The following STAT4 variants were observed in gnomAD, a reference collection of about 807,000 sequenced individuals.
The protein encoded by STAT4 is signal transducer and activator of transcription 4.
A neutral mutation model predicts 110.5 loss-of-function variants in STAT4; 42 were observed. The ratio of observed to expected loss-of-function variants is 0.38; its 90% confidence interval spans 0.30 to 0.49. STAT4 has a LOEUF of 0.49. Among genes scored for constraint, STAT4 ranks in the 20% least tolerant of loss-of-function variants. STAT4 has a pLI of 0.95. For synonymous variants in STAT4, 284 were observed against 302.2 expected (o/e 0.94, Z 0.63); for missense variants, 632 against 887.9 (o/e 0.71, Z 3.66).
intron 6 of STAT4, among the ~76,000 whole-genome samples, chr2:191,067,631 A>G (rs1404751515): frequency 1.3e-5 from 2 of 152,226 alleles, no homozygotes; most frequent in Non-Finnish European, 2.9e-5. Flanking sequence ...GAAGAAGGGC[A>G]TATAAGTATC....
chr2:191,123,829 A>G (rs990524704), intron 3 of STAT4, among the ~76,000 whole-genome samples: 27 of 152,200 alleles, frequency 1.8e-4, no homozygotes, highest in African/African-American at 4.8e-4. Flanking sequence ...GTACTGCGTT[A>G]TTATTGCTAG....
intron 3 of STAT4, among the ~76,000 whole-genome samples, chr2:191,111,995 G>C (rs1329551827): frequency 1.3e-5 from 2 of 152,180 alleles, no homozygotes; most frequent in African/African-American, 4.8e-5. Context: ...AGAGGTAGGA[G>C]GGAGGGATTA....
At chr2:191,036,078 A>G (rs192004066) in intron 17 of STAT4, 86 bp downstream of exon 17, 3 of 1,442,392 alleles carry the variant, frequency 2.1e-6, no homozygotes, top group East Asian at 2.3e-5. Flanking sequence ...CATCTTTATT[A>G]TTAGTAGTAG....
At chr2:191,063,750 A>G (rs113649790) in intron 8 of STAT4, among the ~76,000 whole-genome samples, 1 of 152,296 alleles carries the variant, frequency 6.6e-6, no homozygotes, top group South Asian at 2.1e-4. Context: ...TGCTCCCTTT[A>G]TTATTGTTTT....
intron 3 of STAT4, among the ~76,000 whole-genome samples, chr2:191,145,523 T>A (rs983407994): frequency 6.6e-6 from 1 of 152,224 alleles, no homozygotes; most frequent in Non-Finnish European, 1.5e-5. Flanking sequence ...GATTGCTGTA[T>A]GCTGCCAAAA....
chr2:191,038,590 CT>C (rs1011710271), intron 16 of STAT4, among the ~76,000 whole-genome samples: 8 of 152,140 alleles, frequency 5.3e-5, no homozygotes, highest in Non-Finnish European at 1.5e-5. Flanking sequence ...GCTGACTCAT[CT>C]TTTTTGCCAC....
intron 3 of STAT4, among the ~76,000 whole-genome samples, chr2:191,136,998 GAAGA>G (rs1699197241): frequency 6.7e-6 from 1 of 149,458 alleles, no homozygotes; most frequent in African/African-American, 2.4e-5. Context: ...TAAATTTAAC[GAAGA>G]AAGTGAAAGA....
rs546967575 is a variant in STAT4 at position 191,037,016 on chromosome 2, G to A, written c.1435-717C>T. Among the ~76,000 whole-genome samples the A allele has an allele frequency of 5.3e-5, 8 of 152,246 alleles. No homozygotes were observed. Among genetic ancestry groups the A allele is most frequent in the East Asian group, 1.9e-4 (1 of 5,184 alleles). ...GGCTCCATCTTTCTTCAGAAGCATC[G>A]CTTGACATCTCTTTAACTTTTCCGT... On this transcript the variant is annotated intron_variant, in intron 16 of 23. Coordinates refer to ENST00000392320, the MANE Select transcript of STAT4 (RefSeq NM_003151.4). This position sits in a 1 kb window ranked among gnomAD's most constrained non-coding sequence, Gnocchi z 4.8.
intron 3 of STAT4, among the ~76,000 whole-genome samples, chr2:191,101,056 C>T (rs578217543): frequency 3.9e-5 from 6 of 152,034 alleles, no homozygotes; most frequent in Non-Finnish European, 8.8e-5. Context: ...TCTACCCTGC[C>T]TTTCTCTCCT....
intron 14 of STAT4, among the ~76,000 whole-genome samples, chr2:191,054,217 T>A (rs1188858792): frequency 3.0e-5 from 4 of 132,476 alleles, no homozygotes; most frequent in African/African-American, 1.2e-4. Context: ...ATTTTTAAAG[T>A]AATATATAGA....
intron 14 of STAT4, among the ~76,000 whole-genome samples, chr2:191,052,993 T>C (rs2125202118): frequency 1.3e-5 from 2 of 152,256 alleles, no homozygotes; most frequent in South Asian, 2.1e-4. Flanking sequence ...TCATCTTTGG[T>C]GAGGCTATGA....
At chr2:191,041,313 A>G (rs987771200) in intron 14 of STAT4, among the ~76,000 whole-genome samples, 165 bp from the exon 15 acceptor site, 2 of 152,144 alleles carry the variant, frequency 1.3e-5, no homozygotes, top group Admixed American at 6.5e-5. Context: ...TAAAAGTTAT[A>G]TACAGTTTGG....
At position 191,066,499 on chromosome 2, in the gene STAT4, A is replaced by C. The variant is rs1182171876; in HGVS notation, c.561T>G (p.Asn187Lys). 6.2e-7 allele frequency: 1 copy of C among 1,613,408 alleles called. No individual in the cohort carries two copies. The highest frequency in any genetic ancestry group is 8.5e-7 in the Non-Finnish European group (1 of 1,179,596). ...TIQTMDQSDK[N>K]SAMVNQEVLT... ...AAACTTCCTGATTCACCATGGCACT[A>C]TTCTTGTCACTCTGATCTGCAAAGG... Residue 187 changes from asparagine to lysine, a missense_variant, in exon 7 of 24, where the codon AAT becomes AAG. Physicochemically the swap from Asn to Lys is moderately conservative, Grantham distance 94. Coordinates refer to ENST00000392320, the MANE Select transcript of STAT4 (RefSeq NM_003151.4). This position sits in a 1 kb window ranked among gnomAD's most constrained non-coding sequence, Gnocchi z 4.3.
In STAT4 at chr2:191,138,044, A is replaced by C. The variant is rs188097161; in HGVS notation, c.273+8569T>G. 1.2e-4 allele frequency among the ~76,000 whole-genome samples: 19 copies of C among 152,344 alleles called. No individual in the cohort carries two copies. In the East Asian group the frequency reaches 3.7e-3, roughly 29 times the overall value. ...AAACTAAAAAGCTTCTGCACAGCAAAGGAAACAATCAGCAGAGTGAAGAGA... is the reference window on the plus strand; with the variant it reads ...AAACTAAAAAGCTTCTGCACAGCAACGGAAACAATCAGCAGAGTGAAGAGA... On this transcript the variant is annotated intron_variant, in intron 3 of 23. Transcript: ENST00000392320. This position sits in a 1 kb window ranked among gnomAD's most constrained non-coding sequence, Gnocchi z 4.3.
rs747787301 is a variant in STAT4 at position 191,113,249 on chromosome 2, C to A, written c.273+33364G>T. 6.6e-6 allele frequency among the ~76,000 whole-genome samples: 1 copy of A among 152,226 alleles called. No homozygotes were observed. Among genetic ancestry groups the A allele is most frequent in the Admixed American group, 6.5e-5 (1 of 15,282 alleles). On this transcript the variant is annotated intron_variant, in intron 3 of 23. Transcript: ENST00000392320. The surrounding 1 kb of genome is among the most constrained non-coding windows in gnomAD (Gnocchi z 4.8). ...AATTTGTACTGAACAGCAATTATTG[C>A]CAGGCACTGATCTCACTGCTGTGAG...
intron 3 of STAT4, among the ~76,000 whole-genome samples, chr2:191,129,482 C>A (rs1311874398): frequency 6.6e-6 from 1 of 152,110 alleles, no homozygotes; most frequent in Non-Finnish European, 1.5e-5. Context: ...AAGATGTTAA[C>A]TTCTACTTGG....
chr2:191,098,800 T>C (rs1419842818), intron 3 of STAT4, among the ~76,000 whole-genome samples: 1 of 151,980 alleles, frequency 6.6e-6, no homozygotes, highest in Non-Finnish European at 1.5e-5. Flanking sequence ...AAACAAAATA[T>C]CTAAGGATCG....
intron 3 of STAT4, among the ~76,000 whole-genome samples, chr2:191,089,443 C>T (rs1287028541): frequency 6.6e-6 from 1 of 152,194 alleles, no homozygotes; most frequent in African/African-American, 2.4e-5. Context: ...CAGAAACTTT[C>T]ATTTGTTGCT....
chr2:191,059,830 T>C lies in STAT4; in HGVS notation c.1035-1061A>G, dbSNP rs1334759088. 1.3e-5 allele frequency among the ~76,000 whole-genome samples: 2 copies of C among 152,118 alleles called. No individual in the cohort carries two copies. Among genetic ancestry groups the C allele is most frequent in the Admixed American group, 6.5e-5 (1 of 15,272 alleles). On this transcript the variant is annotated intron_variant, in intron 10 of 23. Coordinates refer to ENST00000392320, the MANE Select transcript of STAT4 (RefSeq NM_003151.4). The surrounding 1 kb of genome is among the most constrained non-coding windows in gnomAD (Gnocchi z 4.7). ...CTGGAGTATGTTGAGTGTGCAGTCATTGGTGGTGAATGGTGAGAAGGGGGC... is the reference window on the plus strand; with the variant it reads ...CTGGAGTATGTTGAGTGTGCAGTCACTGGTGGTGAATGGTGAGAAGGGGGC...
Sources: gnomAD v4.1 joint callset for allele counts (sites outside exome capture counted in the v4.1 genomes callset) on GRCh38, gnomAD v4.1.1 for gene constraint, Gnocchi (gnomAD v3.1) non-coding constraint, MANE v1.5 for transcripts, NCBI Gene and HGNC (gene_info 2026-07-23, HGNC 2026-07-21) for gene names.